NFIA: variants seen among roughly 807,000 people sequenced by gnomAD.
The protein encoded by NFIA is nuclear factor I A.
Under a neutral mutation model 62.8 loss-of-function variants are expected in NFIA, and 8 were observed. That is an observed-to-expected ratio of 0.13 (90% CI 0.07 to 0.23). The LOEUF (loss-of-function observed/expected upper bound fraction) is 0.23. NFIA is among the 10% of genes least tolerant of loss of function. NFIA has a pLI of 1.00. For missense variants in NFIA, 410 were observed against 642.1 expected, an observed-to-expected ratio of 0.64 and a Z score of 3.91; for synonymous variants, 235 against 238.1, an observed-to-expected ratio of 0.99 and a Z score of 0.12.
At chr1:61,215,774 A>G (rs1009333523) in intron 2 of NFIA, among the ~76,000 whole-genome samples, 1 of 152,240 alleles carries the variant, frequency 6.6e-6, no homozygotes, top group East Asian at 1.9e-4. Context: ...CTTCACTAAC[A>G]TGATGAACAG....
intron 2 of NFIA, among the ~76,000 whole-genome samples, chr1:61,260,697 C>T (rs1038743322): frequency 4.6e-5 from 7 of 152,204 alleles, no homozygotes; most frequent in Non-Finnish European, 8.8e-5. Context: ...TCTCCTGCCT[C>T]AACCTCTGGA....
intron 2 of NFIA, among the ~76,000 whole-genome samples, chr1:61,187,080 A>G (rs1004612543): frequency 7.2e-5 from 11 of 152,194 alleles, no homozygotes; most frequent in African/African-American, 2.7e-4. Context: ...TAAAATGTCA[A>G]CTGTAAAAGT....
chr1:61,080,030 G>T (rs938355107), upstream of NFIA, among the ~76,000 whole-genome samples: 2 of 152,150 alleles, frequency 1.3e-5, no homozygotes, highest in Non-Finnish European at 2.9e-5. Flanking sequence ...CCTCCGCGGG[G>T]GAGGGAGCGG....
chr1:61,259,964 C>T (rs1364725041), intron 2 of NFIA, among the ~76,000 whole-genome samples: 1 of 152,150 alleles, frequency 6.6e-6, no homozygotes, highest in African/African-American at 2.4e-5. Flanking sequence ...ATTCCTTAGG[C>T]TGAGGGACTT....
intron 2 of NFIA, among the ~76,000 whole-genome samples, chr1:61,268,622 C>T (rs1002696120): frequency 7.9e-5 from 12 of 152,128 alleles, no homozygotes; most frequent in Non-Finnish European, 8.8e-5. Flanking sequence ...AAAAGGAAAG[C>T]TGTGTTTTCC....
At chr1:61,260,839 C>G (rs1282854552) in intron 2 of NFIA, among the ~76,000 whole-genome samples, 1 of 152,168 alleles carries the variant, frequency 6.6e-6, no homozygotes, top group Non-Finnish European at 1.5e-5. Context: ...CTCGGCCTCC[C>G]GAGGTGCTGG....
At chr1:61,307,769 T>C (rs77342551) in intron 3 of NFIA, among the ~76,000 whole-genome samples, 1,688 of 152,348 alleles carry the variant, frequency 0.011, 31 homozygotes, top group African/African-American at 0.039. Context: ...GAGATCCATT[T>C]GCTAGCATCT....
chr1:61,199,231 A>G (rs998949862), intron 2 of NFIA, among the ~76,000 whole-genome samples: 3 of 152,174 alleles, frequency 2.0e-5, no homozygotes, highest in Non-Finnish European at 2.9e-5. Flanking sequence ...TTAAAATAGG[A>G]TTAGATGGAG....
At chr1:61,111,341 TCTTA>T (rs1304112092) in intron 2 of NFIA, among the ~76,000 whole-genome samples, 3 of 152,164 alleles carry the variant, frequency 2.0e-5, no homozygotes, top group African/African-American at 4.8e-5. Flanking sequence ...CAGAGTTTTT[TCTTA>T]CTTAGGACTT....
chr1:61,188,566 T>TGA (rs1283023301), intron 2 of NFIA, among the ~76,000 whole-genome samples: 1 of 152,230 alleles, frequency 6.6e-6, no homozygotes, highest in Non-Finnish European at 1.5e-5. Flanking sequence ...GGATGCTGTT[T>TGA]GATTTTAGGC....
At chr1:61,185,592 C>T (rs140395970) in intron 2 of NFIA, among the ~76,000 whole-genome samples, 35 of 151,392 alleles carry the variant, frequency 2.3e-4, no homozygotes, top group African/African-American at 8.3e-4. Context: ...TGCAAAGACA[C>T]TGCATGATCT....
At position 61,219,847 on chromosome 1, in the gene NFIA, C is replaced by T. The variant is rs138250846; in HGVS notation, c.560-57673C>T. ...GGCGCAGTGGCCCACGCCTTAGTCCCAGCTACTCAGGAGGCTGAGGCAGGA... is the reference window on the plus strand; with the variant it reads ...GGCGCAGTGGCCCACGCCTTAGTCCTAGCTACTCAGGAGGCTGAGGCAGGA... On this transcript the variant is annotated intron_variant, in intron 2 of 10. Transcript: ENST00000403491. 4.2e-3 allele frequency among the ~76,000 whole-genome samples: 634 copies of T among 152,272 alleles called. 10 individuals carry two copies. The highest frequency in any genetic ancestry group is 0.02 in the Admixed American group (303 of 15,298).
chr1:61,348,151 A>G (rs935759135), intron 4 of NFIA, among the ~76,000 whole-genome samples: 2 of 152,232 alleles, frequency 1.3e-5, no homozygotes, highest in African/African-American at 4.8e-5. Flanking sequence ...ATGCAAGGAT[A>G]CTTTGATAGG....
intron 2 of NFIA, among the ~76,000 whole-genome samples, chr1:61,275,214 T>C (rs145307097): frequency 6.6e-6 from 1 of 152,334 alleles, no homozygotes; most frequent in African/African-American, 2.4e-5. Context: ...ACTCACTCCT[T>C]TGCTGTTGGT....
chr1:61,353,604 A>G (rs1042013917), intron 5 of NFIA, among the ~76,000 whole-genome samples: 1 of 152,230 alleles, frequency 6.6e-6, no homozygotes, highest in African/African-American at 2.4e-5. Flanking sequence ...ATTTAAAACA[A>G]TGCCCAAATT....
chr1:61,171,715 G>A (rs531184729), intron 2 of NFIA, among the ~76,000 whole-genome samples: 6 of 152,294 alleles, frequency 3.9e-5, no homozygotes, highest in East Asian at 1.9e-4. Context: ...CTGTGTGGGT[G>A]TGGATGTGAT....
chr1:61,238,923 A>G (rs1655164440), intron 2 of NFIA, among the ~76,000 whole-genome samples: 1 of 152,312 alleles, frequency 6.6e-6, no homozygotes, highest in South Asian at 2.1e-4. Flanking sequence ...GAATAGATCA[A>G]TTTTTATACC....
At chr1:61,295,108 G>A (rs903697364) in intron 3 of NFIA, among the ~76,000 whole-genome samples, 7 of 152,146 alleles carry the variant, frequency 4.6e-5, no homozygotes, top group Admixed American at 4.6e-4. Flanking sequence ...CCACATCTGG[G>A]TCTTCCGTCT....
At chr1:61,144,405 C>T (rs1287861196) in intron 2 of NFIA, among the ~76,000 whole-genome samples, 1 of 152,206 alleles carries the variant, frequency 6.6e-6, no homozygotes, top group Admixed American at 6.5e-5. Context: ...CATTCCCAGA[C>T]TACCGTGTGT....
Sources: allele counts gnomAD v4.1 joint callset (sites outside exome capture counted in the v4.1 genomes callset), GRCh38; gene constraint gnomAD v4.1.1; transcripts MANE v1.5; gene names NCBI Gene and HGNC (gene_info 2026-07-23, HGNC 2026-07-21).